Variants in PIEZO2 observed in about 807,000 individuals in gnomAD.
PIEZO2 encodes piezo-type mechanosensitive ion channel component 2.
In PIEZO2, 172 loss-of-function variants were observed where a neutral mutation model predicts 337.3. The observed-to-expected ratio is 0.51, with a 90% CI of 0.45 to 0.58. The LOEUF (loss-of-function observed/expected upper bound fraction) is 0.58. Among genes scored for constraint, PIEZO2 ranks in the 20% least tolerant of loss-of-function variants. PIEZO2 has a pLI of 0.00. For missense variants in PIEZO2, 3,028 were observed against 3,391.3 expected, an observed-to-expected ratio of 0.89 and a Z score of 2.66; for synonymous variants, 1,251 against 1,228.5, an observed-to-expected ratio of 1.02 and a Z score of -0.38.
At chr18:11,042,104 C>T (rs1330908557) in intron 2 of PIEZO2, among the ~76,000 whole-genome samples, 1 of 152,206 alleles carries the variant, frequency 6.6e-6, no homozygotes, top group Non-Finnish European at 1.5e-5. Context: ...ATATGGAGTA[C>T]CTTCTAGTCA....
At chr18:10,902,035 G>T (rs998998433) in intron 4 of PIEZO2, among the ~76,000 whole-genome samples, 1 of 152,188 alleles carries the variant, frequency 6.6e-6, no homozygotes, top group South Asian at 2.1e-4. Context: ...GAGGTGAGAG[G>T]CAGGCCAGCT....
Position 10,834,372 on chromosome 18 carries a change from T to C in PIEZO2, c.917+20981A>G, listed in dbSNP as rs559663086. 1.3e-5 allele frequency among the ~76,000 whole-genome samples: 2 copies of C among 152,282 alleles called. No homozygotes were observed. Among genetic ancestry groups the C allele is most frequent in the East Asian group, 3.9e-4 (2 of 5,180 alleles). ...AGTAGACCACACCTTATGGAGTTGT[T>C]GGGAGGATTAAATGAAGTAACTAGC... On this transcript the variant is annotated intron_variant, in intron 7 of 55. Transcript: ENST00000674853. This position sits in a 1 kb window ranked among gnomAD's most constrained non-coding sequence, Gnocchi z 4.5.
intron 3 of PIEZO2, among the ~76,000 whole-genome samples, chr18:10,975,271 C>G (rs751171204): frequency 7.2e-5 from 11 of 152,220 alleles, no homozygotes; most frequent in Admixed American, 1.3e-4. Flanking sequence ...CGCCACACAT[C>G]TAACACGGAG....
In PIEZO2 at chr18:10,877,414, A is replaced by G. The variant is rs2042296683; in HGVS notation, c.330-5999T>C. 6.6e-6 allele frequency among the ~76,000 whole-genome samples: 1 copy of G among 152,232 alleles called. No individual in the cohort carries two copies. Among genetic ancestry groups the G allele is most frequent in the South Asian group, 2.1e-4 (1 of 4,836 alleles). On this transcript the variant is annotated intron_variant, in intron 4 of 55. Transcript: ENST00000674853. The surrounding 1 kb of genome is among the most constrained non-coding windows in gnomAD (Gnocchi z 5.3). Reference sequence around the variant, plus strand: ...CCCAGTCCAACTCGTCCGCTGAGAAACATTAGCATATATCCATTTTCCTAC... The same window carrying G: ...CCCAGTCCAACTCGTCCGCTGAGAAGCATTAGCATATATCCATTTTCCTAC...
chr18:10,764,147 G>C (rs182954823), intron 21 of PIEZO2, among the ~76,000 whole-genome samples: 1 of 152,278 alleles, frequency 6.6e-6, no homozygotes, highest in Admixed American at 6.5e-5. Flanking sequence ...CAGTATAGAA[G>C]GACCACCATC....
In PIEZO2 at chr18:10,794,755, G is replaced by T; in HGVS notation, c.1758+17C>A. 1 of 1,468,154 alleles carries T rather than the reference G, an allele frequency of 6.8e-7. No homozygotes were observed. The highest frequency in any genetic ancestry group is 1.3e-5 in the South Asian group (1 of 79,674). 90.9% of individuals were successfully genotyped at this position (1,468,154 alleles called of 1,614,324 possible). ...TTTTGTGTCATTGTTTTGTTTTATT[G>T]TATTCTATTCACTTACTTTGGAAGC... On this transcript the variant is annotated intron_variant, in intron 13 of 55. Coordinates refer to ENST00000674853, the MANE Select transcript of PIEZO2 (RefSeq NM_001378183.1). The surrounding 1 kb of genome is among the most constrained non-coding windows in gnomAD (Gnocchi z 6.6).
At chr18:10,678,744 G>C (rs777205713) in intron 52 of PIEZO2, among the ~76,000 whole-genome samples, 1 of 152,116 alleles carries the variant, frequency 6.6e-6, no homozygotes, top group Non-Finnish European at 1.5e-5. Context: ...ACCAACACAA[G>C]GAAAAACAAA....
Position 10,688,365 on chromosome 18 carries a change from C to A in PIEZO2, c.7497+1290G>T. ...TCTTTTTTATGGCTGCATAGTATTC[C>A]ATGGTGTGTATGTGCCACAATTAAA... On this transcript the variant is annotated intron_variant, in intron 49 of 55. Transcript: ENST00000674853. Among the ~76,000 whole-genome samples the A allele has an allele frequency of 1.3e-5, 2 of 152,186 alleles. 1 individual carries two copies. Among genetic ancestry groups the A allele is most frequent in the East Asian group, 3.8e-4 (2 of 5,204 alleles).
At position 11,069,230 on chromosome 18, in the gene PIEZO2, G is replaced by A. The variant is rs12454474; in HGVS notation, c.65-3008C>T. 0.016 allele frequency among the ~76,000 whole-genome samples: 2,463 copies of A among 152,188 alleles called. 56 individuals are homozygous for A. The highest frequency in any genetic ancestry group is 0.047 in the African/African-American group (1,956 of 41,518). On this transcript the variant is annotated intron_variant, in intron 1 of 55. Transcript: ENST00000674853. This position sits in a 1 kb window ranked among gnomAD's most constrained non-coding sequence, Gnocchi z 4.9. ...ACCAGACAAGGATAATACAAGGAAA[G>A]AAAATTACAGGCCAGTGTCCTTGAT...
rs1390755352 is a variant in PIEZO2 at position 10,882,834 on chromosome 18, CTTTTTTTCTT to C, written c.330-11429_330-11420del. Among the ~76,000 whole-genome samples the C allele has an allele frequency of 2.7e-5, 3 of 109,984 alleles. No individual in the cohort carries two copies. The East Asian group carries it at 9.4e-4, about 35-fold the overall frequency. 72.2% of individuals were successfully genotyped at this position (109,984 alleles called of 152,430 possible). On this transcript the variant is annotated intron_variant, in intron 4 of 55. Coordinates refer to ENST00000674853, the MANE Select transcript of PIEZO2 (RefSeq NM_001378183.1). ...CCATTGTGCATATGTACCACATTTT[CTTTTTTTCTT>C]TTTTTTTTTTTTTGAGATGGAGTCT...
rs1042824434 is a variant in PIEZO2, at chr18:10,705,765, G to A, written c.5589-19C>T. On this transcript the variant is annotated intron_variant, in intron 40 of 55. Coordinates refer to ENST00000674853, the MANE Select transcript of PIEZO2 (RefSeq NM_001378183.1). ...GGGCTCGCTGTTGGGAGAAAGCGTG[G>A]GCACAGAGCCCATGTCTTAGCATCC... 1.7e-4 allele frequency: 252 copies of A among 1,501,884 alleles called. 3 individuals carry two copies. The East Asian group carries it at 6.2e-3, about 37-fold the overall frequency. The allele number at this position is 1,501,884 out of a possible 1,614,324, so 93.0% of individuals were successfully genotyped here. A position where few individuals can be genotyped will look rare whatever the true frequency, so the allele number is the denominator to read the frequency against.
chr18:10,754,439 A>G (rs537493102), intron 27 of PIEZO2, among the ~76,000 whole-genome samples: 30 of 152,348 alleles, frequency 2.0e-4, no homozygotes, highest in African/African-American at 4.8e-4. Flanking sequence ...TGACAGGTCA[A>G]TTCCTGAGTG....
chr18:10,918,324 A>T (rs542080218), intron 3 of PIEZO2, among the ~76,000 whole-genome samples: 62 of 152,156 alleles, frequency 4.1e-4, no homozygotes, highest in East Asian at 2.7e-3. Flanking sequence ...ATTGTTTTTT[A>T]AAATATCATT....
chr18:10,748,175 C>T lies in PIEZO2; in HGVS notation c.4424+296G>A, dbSNP rs2037502827. Among the ~76,000 whole-genome samples the T allele has an allele frequency of 6.6e-6, 1 of 152,116 alleles. No individual in the cohort carries two copies. On this transcript the variant is annotated intron_variant, in intron 30 of 55. Coordinates refer to ENST00000674853, the MANE Select transcript of PIEZO2 (RefSeq NM_001378183.1). The surrounding 1 kb of genome is among the most constrained non-coding windows in gnomAD (Gnocchi z 5.1). The stretch of plus-strand genomic sequence containing the variant: ...GCATATGTTGCTGTTTTGTCTGAGA[C>T]CAGACTGAGCCACTTCTAGAGAAGT...
intron 1 of PIEZO2, among the ~76,000 whole-genome samples, chr18:11,138,837 T>G (rs1599018933): frequency 1.3e-5 from 2 of 152,180 alleles, no homozygotes; most frequent in Non-Finnish European, 2.9e-5. Flanking sequence ...TCACGTTGTT[T>G]CAAAGGTAAC....
rs1290173857 is a variant in PIEZO2, at chr18:10,855,191, A to T, written c.917+162T>A. ...CTTCCAGACTGTGTCATCCAATACA[A>T]TGAAAGTGCTAGACTGCTTCACCCA... On this transcript the variant is annotated intron_variant, in intron 7 of 55. Coordinates refer to ENST00000674853, the MANE Select transcript of PIEZO2 (RefSeq NM_001378183.1). The surrounding 1 kb of genome is among the most constrained non-coding windows in gnomAD (Gnocchi z 4.9). Among the ~76,000 whole-genome samples the T allele has an allele frequency of 6.6e-6, 1 of 152,120 alleles. No homozygotes were observed. Among genetic ancestry groups the T allele is most frequent in the Non-Finnish European group, 1.5e-5 (1 of 68,016 alleles).
chr18:10,889,132 C>A (rs1451512389), intron 4 of PIEZO2, among the ~76,000 whole-genome samples: 1 of 152,216 alleles, frequency 6.6e-6, no homozygotes, highest in Non-Finnish European at 1.5e-5. Flanking sequence ...AGGACAGACA[C>A]AGGTCCACCC....
intron 49 of PIEZO2, 73 bp downstream of exon 49, chr18:10,689,582 T>A: frequency 6.3e-7 from 1 of 1,599,792 alleles, no homozygotes; most frequent in African/African-American, 1.3e-5. Flanking sequence ...GAGCAGAAGT[T>A]CACATTCATC....
Position 11,121,038 on chromosome 18 carries a change from A to T in PIEZO2, c.64+27487T>A, listed in dbSNP as rs1195692761. On this transcript the variant is annotated intron_variant, in intron 1 of 55. Transcript: ENST00000674853. ...GAGGCTGAGGCAAGTGGATCACTTG[A>T]GGTCAGGAGTTCAAGACCAGCCTGG... is the stretch of plus-strand genomic sequence containing the variant. Among the ~76,000 whole-genome samples the T allele has an allele frequency of 3.9e-5, 6 of 152,198 alleles. No homozygotes were observed. In the East Asian group the frequency reaches 1.2e-3, roughly 29 times the overall value.
Sources: allele counts gnomAD v4.1 joint callset (sites outside exome capture counted in the v4.1 genomes callset), GRCh38; gene constraint gnomAD v4.1.1; non-coding constraint Gnocchi (gnomAD v3.1); transcripts MANE v1.5; gene names NCBI Gene and HGNC (gene_info 2026-07-23, HGNC 2026-07-21).